The following GNAL variants were observed in gnomAD, a reference collection of about 807,000 sequenced individuals.
The protein encoded by GNAL is G protein subunit alpha L.
Under a neutral mutation model 55.1 loss-of-function variants are expected in GNAL, and 18 were observed. The ratio of observed to expected loss-of-function variants is 0.33; its 90% CI spans 0.23 to 0.48. The LOEUF (loss-of-function observed/expected upper bound fraction) is 0.48, where lower values mean the gene tolerates loss of function less well. Among genes scored for constraint, GNAL ranks in the 20% least tolerant of loss-of-function variants. The pLI, the probability that GNAL is intolerant of heterozygous loss-of-function variation, is 0.99. For missense variants in GNAL, 412 were observed against 614.1 expected, an observed-to-expected ratio of 0.67 and a Z score of 3.48; for synonymous variants, 253 against 237.0, an observed-to-expected ratio of 1.07 and a Z score of -0.62.
At chr18:11,795,681 G>A (rs1277891072) in intron 4 of GNAL, among the ~76,000 whole-genome samples, 2 of 152,196 alleles carry the variant, frequency 1.3e-5, no homozygotes, top group Non-Finnish European at 2.9e-5. Context: ...TTCTGTGTGA[G>A]GCGTCAGTCT....
chr18:11,853,758 AT>A (rs1391196844), intron 5 of GNAL: 1 of 163,050 alleles, frequency 6.1e-6, no homozygotes, highest in Non-Finnish European at 1.5e-5. Flanking sequence ...TCTCTCAAGA[AT>A]ATCCCTCCTG....
chr18:11,700,201 T>C (rs984098214), intron 1 of GNAL, among the ~76,000 whole-genome samples: 1 of 152,210 alleles, frequency 6.6e-6, no homozygotes, highest in African/African-American at 2.4e-5. Context: ...GGCCCTACTC[T>C]TAAAAAGCCC....
At chr18:11,754,037 CATT>C (rs1466140166) in intron 4 of GNAL, 92 bp downstream of exon 4, 2 of 906,140 alleles carry the variant, frequency 2.2e-6, no homozygotes, top group Non-Finnish European at 1.8e-6. Flanking sequence ...GATACTAATT[CATT>C]ATTAACTTTC....
intron 1 of GNAL, among the ~76,000 whole-genome samples, chr18:11,722,470 A>G (rs1170073997): frequency 6.6e-6 from 1 of 152,236 alleles, no homozygotes; most frequent in Non-Finnish European, 1.5e-5. Context: ...GTGCTTTGCC[A>G]TGTAATTTGT....
At chr18:11,749,594 A>G (rs2143069961) in intron 1 of GNAL, among the ~76,000 whole-genome samples, 1 of 152,312 alleles carries the variant, frequency 6.6e-6, no homozygotes, top group East Asian at 1.9e-4. Context: ...GGATAGGCTC[A>G]GCCTCCGCCC....
intron 4 of GNAL, among the ~76,000 whole-genome samples, chr18:11,795,113 G>T (rs2034344451): frequency 1.3e-5 from 2 of 151,992 alleles, no homozygotes; most frequent in Non-Finnish European, 2.9e-5. Flanking sequence ...AAAGTGCTGG[G>T]ATTACAGGTG....
intron 1 of GNAL, among the ~76,000 whole-genome samples, chr18:11,722,505 T>C (rs1256808777): frequency 6.6e-6 from 1 of 152,206 alleles, no homozygotes; most frequent in Non-Finnish European, 1.5e-5. Context: ...CCCTTCACTG[T>C]ACCATAAAGA....
intron 4 of GNAL, among the ~76,000 whole-genome samples, chr18:11,766,933 C>T (rs2033424972): frequency 6.6e-6 from 1 of 152,130 alleles, no homozygotes; most frequent in African/African-American, 2.4e-5. Flanking sequence ...GGTAGTTCTT[C>T]GGGACATTTC....
intron 10 of GNAL, among the ~76,000 whole-genome samples, chr18:11,874,936 C>G (rs111230822): frequency 1.3e-5 from 2 of 151,906 alleles, no homozygotes; most frequent in Non-Finnish European, 2.9e-5. Context: ...GCCTCACACA[C>G]CCTGCAACAG....
intron 4 of GNAL, among the ~76,000 whole-genome samples, chr18:11,824,262 T>TC (rs1555654822): frequency 6.9e-6 from 1 of 145,190 alleles, no homozygotes; most frequent in African/African-American, 2.7e-5. Flanking sequence ...ATGGCTGAGA[T>TC]GGGGGGGGGG....
chr18:11,779,173 G>A (rs2033862909), intron 4 of GNAL, among the ~76,000 whole-genome samples: 1 of 152,138 alleles, frequency 6.6e-6, no homozygotes, highest in African/African-American at 2.4e-5. Flanking sequence ...TGAAGAATGG[G>A]CCTCGTGCTA....
chr18:11,819,140 T>G (rs1157411305), intron 4 of GNAL, among the ~76,000 whole-genome samples: 1 of 152,232 alleles, frequency 6.6e-6, no homozygotes, highest in African/African-American at 2.4e-5. Flanking sequence ...AAAAAGTCAT[T>G]TGACTGTGTT....
At chr18:11,788,979 G>A (rs1280140198) in intron 4 of GNAL, among the ~76,000 whole-genome samples, 2 of 145,466 alleles carry the variant, frequency 1.4e-5, no homozygotes, top group Non-Finnish European at 3.0e-5. Flanking sequence ...AATAGAATGT[G>A]TAAGATAAGT....
chr18:11,752,284 G>A lies in GNAL; in HGVS notation c.377-569G>A, dbSNP rs1442092094. 1 of 1,430,156 alleles carries A rather than the reference G, an allele frequency of 7.0e-7. No homozygotes were observed. The highest frequency in any genetic ancestry group is 1.5e-5 in the African/African-American group (1 of 67,622). 88.6% of individuals were successfully genotyped at this position (1,430,156 alleles called of 1,614,324 possible). ...GCAGGGGGAGGGAGAAGAAACGCCT[G>A]CTCTGAATCGGAAAACACCGAAGAG... On this transcript the variant is annotated intron_variant, in intron 1 of 11. Coordinates refer to ENST00000334049, the MANE Select transcript of GNAL (RefSeq NM_182978.4). This position sits in a 1 kb window ranked among gnomAD's most constrained non-coding sequence, Gnocchi z 4.5.
intron 1 of GNAL, among the ~76,000 whole-genome samples, chr18:11,703,058 C>T (rs2031613983): frequency 6.6e-6 from 1 of 152,190 alleles, no homozygotes. Flanking sequence ...CCAGAGGTTG[C>T]AGTGAGCAGA....
chr18:11,709,138 T>C (rs10048225), intron 1 of GNAL, among the ~76,000 whole-genome samples: 204 of 152,304 alleles, frequency 1.3e-3, no homozygotes, highest in African/African-American at 4.6e-3. Context: ...TTCTGGACTC[T>C]CTATTCTCTT....
At chr18:11,768,537 G>T (rs997592233) in intron 4 of GNAL, among the ~76,000 whole-genome samples, 22 of 151,438 alleles carry the variant, frequency 1.5e-4, no homozygotes, top group African/African-American at 5.1e-4. Context: ...GGAGGCAGAG[G>T]TTGCGGTGAG....
chr18:11,753,361 C>G (rs1430985056), intron 2 of GNAL, among the ~76,000 whole-genome samples: 1 of 151,970 alleles, frequency 6.6e-6, no homozygotes, highest in Non-Finnish European at 1.5e-5. Context: ...GCGATTTTGC[C>G]TAGTTTTTCT....
rs973732582 is a variant in GNAL, at chr18:11,868,445, T to C, written c.911-98T>C. The C allele has an allele frequency of 3.0e-6, 3 of 1,005,880 alleles. No individual in the cohort carries two copies. The highest frequency in any genetic ancestry group is 1.6e-5 in the African/African-American group (1 of 61,846). The allele number at this position is 1,005,880 out of a possible 1,614,324, so 62.3% of individuals were successfully genotyped here. A position where few individuals can be genotyped will look rare whatever the true frequency, so the allele number is the denominator to read the frequency against. On this transcript the variant is annotated intron_variant, in intron 8 of 11. Transcript: ENST00000334049. The surrounding 1 kb of genome is among the most constrained non-coding windows in gnomAD (Gnocchi z 4.0). ...CTGAATAGTCCTATCACTGAATGAA[T>C]GTTTTTGTGGAACTGAGTAGCTGCT...
Sources: allele counts gnomAD v4.1 joint callset (sites outside exome capture counted in the v4.1 genomes callset), GRCh38; gene constraint gnomAD v4.1.1; non-coding constraint Gnocchi (gnomAD v3.1); transcripts MANE v1.5; gene names NCBI Gene and HGNC (gene_info 2026-07-23, HGNC 2026-07-21).